Variants in RBFOX1 observed in about 807,000 individuals in gnomAD.
RBFOX1 encodes the protein RNA binding fox-1 homolog 1, also known as RNA binding protein fox-1 homolog 1.
In RBFOX1, 8 loss-of-function variants were observed where a neutral mutation model predicts 57.7. That is an observed-to-expected ratio of 0.14 (90% CI 0.08 to 0.25). The LOEUF is 0.25. Ranked by LOEUF, RBFOX1 falls within the 10% of genes least tolerant of loss-of-function variation. RBFOX1 has a pLI of 1.00. For missense variants in RBFOX1, 611 were observed against 548.5 expected (o/e 1.11, Z -1.14); for synonymous variants, 326 against 222.4 (o/e 1.47, Z -4.15).
chr16:5,586,343 G>T (rs568368386), intron 2 of RBFOX1, among the ~76,000 whole-genome samples: 3 of 152,288 alleles, frequency 2.0e-5, no homozygotes, highest in East Asian at 3.9e-4. Context: ...TGTTTTTAAA[G>T]CTCGCTGGGT....
intron 3 of RBFOX1, among the ~76,000 whole-genome samples, chr16:5,810,906 T>C (rs2055400971): frequency 6.6e-6 from 1 of 152,134 alleles, no homozygotes. Context: ...ACTTCACACA[T>C]ATGAAGAGTA....
intron 4 of RBFOX1, among the ~76,000 whole-genome samples, chr16:5,949,500 T>C (rs895778394): frequency 6.6e-5 from 8 of 120,640 alleles, no homozygotes; most frequent in African/African-American, 2.4e-4. Flanking sequence ...CACTCTAGCC[T>C]GGGTGGCAGT....
At chr16:6,898,706 A>G (rs2067602466) in intron 3 of RBFOX1, among the ~76,000 whole-genome samples, 1 of 152,034 alleles carries the variant, frequency 6.6e-6, no homozygotes, top group Admixed American at 6.6e-5. Context: ...GTATGTGTCT[A>G]TAATATATGT....
intron 4 of RBFOX1, among the ~76,000 whole-genome samples, chr16:5,876,419 C>T (rs772839576): frequency 4.6e-5 from 7 of 152,068 alleles, no homozygotes; most frequent in Non-Finnish European, 1.0e-4. Flanking sequence ...AGACTCACAC[C>T]CGAGGCTATC....
intron 1 of RBFOX1, among the ~76,000 whole-genome samples, chr16:5,394,337 C>A (rs1322659741): frequency 6.6e-6 from 1 of 152,092 alleles, no homozygotes; most frequent in African/African-American, 2.4e-5. Context: ...TTTCTTTTAA[C>A]AATGTTTACT....
intron 4 of RBFOX1, among the ~76,000 whole-genome samples, chr16:7,099,499 C>G (rs1449845450): frequency 6.6e-6 from 1 of 152,106 alleles, no homozygotes; most frequent in Non-Finnish European, 1.5e-5. Flanking sequence ...TTCTCTTCTC[C>G]TATTACTTAT....
intron 2 of RBFOX1, among the ~76,000 whole-genome samples, chr16:6,487,075 G>C (rs1265439290): frequency 6.6e-6 from 1 of 151,296 alleles, no homozygotes; most frequent in African/African-American, 2.4e-5. Flanking sequence ...CAGTTTTCAG[G>C]GTGTGTTTTT....
intron 1 of RBFOX1, among the ~76,000 whole-genome samples, chr16:5,307,405 C>G (rs1299700910): frequency 1.3e-5 from 2 of 152,156 alleles, no homozygotes; most frequent in Non-Finnish European, 2.9e-5. Context: ...TAAAAATAAT[C>G]ACAAAGGAAA....
At chr16:5,430,069 C>T (rs1250796200) in intron 1 of RBFOX1, among the ~76,000 whole-genome samples, 1 of 152,170 alleles carries the variant, frequency 6.6e-6, no homozygotes, top group African/African-American at 2.4e-5. Flanking sequence ...TTCACTCATT[C>T]ATCAGTAAGT....
chr16:7,231,667 T>G (rs867915468), intron 4 of RBFOX1, among the ~76,000 whole-genome samples: 1 of 152,104 alleles, frequency 6.6e-6, no homozygotes, highest in Non-Finnish European at 1.5e-5. Context: ...TATCAATAAA[T>G]AAATGGATGA....
chr16:7,012,378 C>T (rs530049305), intron 3 of RBFOX1, among the ~76,000 whole-genome samples: 1 of 152,282 alleles, frequency 6.6e-6, no homozygotes, highest in South Asian at 2.1e-4. Context: ...CACCTTTTGT[C>T]TATGAAAGTA....
At chr16:6,945,416 TG>T (rs143989021) in intron 3 of RBFOX1, among the ~76,000 whole-genome samples, 21,621 of 152,162 alleles carry the variant, frequency 0.14, 2,060 homozygotes, top group Non-Finnish European at 0.2. Flanking sequence ...CATGCAGGAA[TG>T]TAGATCCAAT....
intron 3 of RBFOX1, among the ~76,000 whole-genome samples, chr16:5,801,908 G>T (rs986303536): frequency 1.3e-5 from 2 of 152,160 alleles, no homozygotes; most frequent in African/African-American, 2.4e-5. Context: ...TGAGGAAATG[G>T]AGCATAAAGG....
intron 3 of RBFOX1, among the ~76,000 whole-genome samples, chr16:6,761,207 G>C (rs1259230567): frequency 1.3e-5 from 2 of 152,078 alleles, no homozygotes; most frequent in Non-Finnish European, 2.9e-5. Flanking sequence ...AGGCAAATGA[G>C]CAATAAATTT....
intron 9 of RBFOX1, among the ~76,000 whole-genome samples, chr16:7,604,027 G>C (rs192217605): frequency 9.2e-5 from 14 of 152,256 alleles, no homozygotes; most frequent in Non-Finnish European, 1.5e-5. Flanking sequence ...TGGCAATGGA[G>C]AAGAAGGGAA....
At chr16:6,878,626 C>G (rs1413031751) in intron 3 of RBFOX1, among the ~76,000 whole-genome samples, 1 of 152,022 alleles carries the variant, frequency 6.6e-6, no homozygotes, top group East Asian at 1.9e-4. Flanking sequence ...TGTGTGTTGT[C>G]AAGGAAAGTC....
chr16:6,393,302 G>A (rs1344369949), intron 2 of RBFOX1, among the ~76,000 whole-genome samples: 1 of 152,170 alleles, frequency 6.6e-6, no homozygotes. Context: ...TATAGGGAAT[G>A]GGGATGAACA....
At chr16:6,693,279 C>T (rs1440529318) in intron 3 of RBFOX1, among the ~76,000 whole-genome samples, 1 of 151,636 alleles carries the variant, frequency 6.6e-6, no homozygotes, top group Non-Finnish European at 1.5e-5. Flanking sequence ...AACATCACCA[C>T]CGTCATTAGC....
chr16:6,076,456 G>C (rs1298820673), intron 1 of RBFOX1, among the ~76,000 whole-genome samples: 2 of 152,010 alleles, frequency 1.3e-5, no homozygotes, highest in South Asian at 2.1e-4. Context: ...CTGAGCTTTT[G>C]CATCAGCCTT....
Sources: gnomAD v4.1 joint callset for allele counts (sites outside exome capture counted in the v4.1 genomes callset) on GRCh38, gnomAD v4.1.1 for gene constraint, MANE v1.5 for transcripts, NCBI Gene and HGNC (gene_info 2026-07-23, HGNC 2026-07-21) for gene names.